The following LINGO2 variants were observed in gnomAD, a reference collection of about 807,000 sequenced individuals.
LINGO2 encodes leucine rich repeat and Ig domain containing 2.
Under a neutral mutation model 30.6 loss-of-function variants are expected in LINGO2, and 14 were observed. That is an observed-to-expected ratio of 0.46 (90% confidence interval 0.30 to 0.72). The LOEUF (loss-of-function observed/expected upper bound fraction) is 0.72, where lower values mean the gene tolerates loss of function less well. Ranked by LOEUF, LINGO2 falls within the 30% of genes least tolerant of loss-of-function variation. LINGO2 has a pLI of 0.07. For synonymous variants in LINGO2, 317 were observed against 288.5 expected (o/e 1.10, Z -1.00); for missense variants, 729 against 751.7 (o/e 0.97, Z 0.35).
chr9:28,018,920 A>C (rs1271321434), intron 4 of LINGO2, among the ~76,000 whole-genome samples: 3 of 152,142 alleles, frequency 2.0e-5, no homozygotes, highest in Admixed American at 2.0e-4. Context: ...AAGATGAGGA[A>C]TCATACACTA....
At chr9:28,064,067 C>A (rs1390835458) in intron 4 of LINGO2, among the ~76,000 whole-genome samples, 1 of 151,942 alleles carries the variant, frequency 6.6e-6, no homozygotes, top group Non-Finnish European at 1.5e-5. Flanking sequence ...ATAAAGAAAC[C>A]AGAGCTAGAA....
the LINGO2 span, among the ~76,000 whole-genome samples, chr9:28,866,602 T>C: frequency 6.6e-6 from 1 of 152,104 alleles, no homozygotes; most frequent in African/African-American, 2.4e-5. Context: ...TGGTGTGAAT[T>C]AGACTTAAGT....
At chr9:28,561,597 A>G (rs1305020511) in intron 1 of LINGO2, among the ~76,000 whole-genome samples, 2 of 131,164 alleles carry the variant, frequency 1.5e-5, no homozygotes, top group Non-Finnish European at 1.6e-5. Flanking sequence ...TATATTATAT[A>G]TAAATGTATT....
At chr9:28,455,138 C>A (rs1002220325) in intron 2 of LINGO2, among the ~76,000 whole-genome samples, 3 of 151,852 alleles carry the variant, frequency 2.0e-5, no homozygotes, top group Non-Finnish European at 4.4e-5. Context: ...TAGGAAAAAT[C>A]ATCATGCTTA....
the LINGO2 span, among the ~76,000 whole-genome samples, chr9:29,094,344 T>G: frequency 7.2e-6 from 1 of 139,332 alleles, no homozygotes. Flanking sequence ...CTATCACGTT[T>G]CATTACACAA....
the LINGO2 span, among the ~76,000 whole-genome samples, chr9:29,002,634 G>A: frequency 6.6e-6 from 1 of 151,984 alleles, no homozygotes; most frequent in African/African-American, 2.4e-5. Context: ...TTTATAACCA[G>A]AGTGGGAGTC....
At chr9:28,542,726 T>TA (rs1383316333) in intron 1 of LINGO2, among the ~76,000 whole-genome samples, 3 of 152,008 alleles carry the variant, frequency 2.0e-5, no homozygotes, top group Non-Finnish European at 2.9e-5. Flanking sequence ...TTGTAGAAAA[T>TA]ACAGATGTTT....
chr9:28,430,095 C>CACGCGCGT (rs202181185), intron 2 of LINGO2, among the ~76,000 whole-genome samples: 1 of 38,234 alleles, frequency 2.6e-5, no homozygotes, highest in Non-Finnish European at 6.2e-5. Flanking sequence ...GGCTGATTTC[C>CACGCGCGT]ACGCGCGCGC....
At chr9:28,815,970 T>G in the LINGO2 span, among the ~76,000 whole-genome samples, 53 of 152,254 alleles carry the variant, frequency 3.5e-4, no homozygotes, top group East Asian at 9.7e-3. Context: ...TTTTGGAGGT[T>G]AGAAAGTCTA....
the LINGO2 span, among the ~76,000 whole-genome samples, chr9:29,115,377 T>A: frequency 6.6e-6 from 1 of 152,178 alleles, no homozygotes; most frequent in East Asian, 1.9e-4. Flanking sequence ...TTGAGGCAGG[T>A]AAAGTGTTCA....
intron 2 of LINGO2, among the ~76,000 whole-genome samples, chr9:28,464,399 T>C (rs1825212855): frequency 6.6e-6 from 1 of 152,220 alleles, no homozygotes; most frequent in African/African-American, 2.4e-5. Flanking sequence ...TGAATGAACA[T>C]TCAATCTTCT....
chr9:28,707,283 A>C, the LINGO2 span, among the ~76,000 whole-genome samples: 1 of 152,218 alleles, frequency 6.6e-6, no homozygotes, highest in Middle Eastern at 3.4e-3. Context: ...GCTGGGAATA[A>C]AGAGAGACAC....
intron 2 of LINGO2, among the ~76,000 whole-genome samples, chr9:28,466,984 G>A (rs1174126427): frequency 2.6e-5 from 4 of 151,794 alleles, no homozygotes; most frequent in Non-Finnish European, 5.9e-5. Flanking sequence ...AGGCAAAGTG[G>A]GTGGATTTGT....
chr9:28,008,010 G>T (rs190850218), intron 5 of LINGO2, among the ~76,000 whole-genome samples: 2 of 152,112 alleles, frequency 1.3e-5, no homozygotes, highest in African/African-American at 4.8e-5. Flanking sequence ...GATGACCAGC[G>T]CATGTTTACT....
In LINGO2 at chr9:28,045,432, ATTC is replaced by A. The variant is rs1362185595; in HGVS notation, c.-86-33030_-86-33028del. Among the ~76,000 whole-genome samples the A allele has an allele frequency of 2.0e-4, 30 of 152,292 alleles. 1 individual carries two copies. In the East Asian group the frequency reaches 4.8e-3, roughly 25 times the overall value. ...TAGCTCTAGCAACTTATAAAGCTAT[ATTC>A]TCTTTGCATATCTGAATGTTGTGTA... On this transcript the variant is annotated intron_variant, in intron 4 of 5. Coordinates refer to ENST00000379992, the Ensembl canonical transcript of LINGO2.
At chr9:29,037,864 T>C in the LINGO2 span, among the ~76,000 whole-genome samples, 1 of 151,978 alleles carries the variant, frequency 6.6e-6, no homozygotes, top group Non-Finnish European at 1.5e-5. Context: ...ATTCAATATA[T>C]AGAAAAGCAC....
At chr9:28,604,359 G>A (rs555677129) in intron 1 of LINGO2, among the ~76,000 whole-genome samples, 3 of 151,992 alleles carry the variant, frequency 2.0e-5, no homozygotes, top group Non-Finnish European at 4.4e-5. Flanking sequence ...TATGACTTAG[G>A]GAAGCCTAAT....
At chr9:28,564,500 C>T (rs1431963656) in intron 1 of LINGO2, among the ~76,000 whole-genome samples, 1 of 152,084 alleles carries the variant, frequency 6.6e-6, no homozygotes, top group African/African-American at 2.4e-5. Context: ...CCTCAACCTC[C>T]TCCAATTTGC....
At chr9:28,003,386 T>TAGATATATAG (rs1554653804) in intron 5 of LINGO2, among the ~76,000 whole-genome samples, 47 of 134,962 alleles carry the variant, frequency 3.5e-4, no homozygotes, top group South Asian at 6.8e-4. Context: ...TAGATAGATA[T>TAGATATATAG]AGAGAGAGAG....
Sources: allele counts gnomAD v4.1 joint callset (sites outside exome capture counted in the v4.1 genomes callset), GRCh38; gene constraint gnomAD v4.1.1; transcripts MANE v1.5; gene names NCBI Gene and HGNC (gene_info 2026-07-23, HGNC 2026-07-21).